CXADR: variants seen among roughly 807,000 people sequenced by gnomAD.
CXADR encodes the protein coxsackievirus and adenovirus receptor.
In CXADR, 20 loss-of-function variants were observed where a neutral mutation model predicts 40.3. That is an observed-to-expected ratio of 0.50 (90% CI 0.35 to 0.72). The LOEUF (loss-of-function observed/expected upper bound fraction) is 0.72. Among genes scored for constraint, CXADR ranks in the 30% least tolerant of loss-of-function variants. The pLI, the probability that CXADR is intolerant of heterozygous loss-of-function variation, is 0.01. For missense variants in CXADR, 332 were observed against 449.1 expected (o/e 0.74, Z 2.36); for synonymous variants, 150 against 161.3 (o/e 0.93, Z 0.53).
intron 7 of CXADR, among the ~76,000 whole-genome samples, chr21:17,578,939 T>G (rs1361448247): frequency 2.0e-5 from 3 of 152,216 alleles, no homozygotes; most frequent in African/African-American, 4.8e-5. Flanking sequence ...ATCTTCTCTT[T>G]GCCTCCCCAC....
At chr21:17,594,241 T>G, downstream of CXADR, 3 of 1,613,368 alleles carry the variant, frequency 1.9e-6, no homozygotes, top group Non-Finnish European at 2.5e-6. Context: ...AGGAGGATAG[T>G]GATTCTGATG....
chr21:17,564,837 C>A (rs1311442092), intron 6 of CXADR, among the ~76,000 whole-genome samples: 1 of 152,104 alleles, frequency 6.6e-6, no homozygotes, highest in Non-Finnish European at 1.5e-5. Context: ...TGGGTTCAAG[C>A]GATTCTCCTG....
the CXADR span, among the ~76,000 whole-genome samples, chr21:17,603,974 G>A: frequency 6.6e-6 from 1 of 152,144 alleles, no homozygotes; most frequent in African/African-American, 2.4e-5. Flanking sequence ...TTTCGTTTTT[G>A]AAAACCCTAC....
chr21:17,581,725 G>A (rs1370656368), intron 7 of CXADR, among the ~76,000 whole-genome samples: 3 of 151,960 alleles, frequency 2.0e-5, no homozygotes, highest in African/African-American at 7.2e-5. Flanking sequence ...TGTGCCTGTA[G>A]TCCCAGCTAC....
chr21:17,513,194 C>T (rs755085000), intron 1 of CXADR, 22 bp downstream of exon 1: 1 of 1,358,538 alleles, frequency 7.4e-7, no homozygotes, highest in Non-Finnish European at 9.5e-7. Context: ...CCATGGGGTC[C>T]TCAGCACCCG....
intron 1 of CXADR, among the ~76,000 whole-genome samples, chr21:17,513,411 C>T (rs2060417348): frequency 6.6e-6 from 1 of 151,454 alleles, no homozygotes; most frequent in African/African-American, 2.4e-5. Context: ...GAGCCCTCGG[C>T]GGGGGGTGGA....
At chr21:17,594,059 T>G (rs2061470579), downstream of CXADR, 1 of 1,600,646 alleles carries the variant, frequency 6.2e-7, no homozygotes, top group Non-Finnish European at 8.5e-7. Flanking sequence ...TCTACCTTTT[T>G]CTCAACATGA....
At chr21:17,614,604 G>A in the CXADR span, among the ~76,000 whole-genome samples, 2 of 152,082 alleles carry the variant, frequency 1.3e-5, no homozygotes, top group Non-Finnish European at 2.9e-5. Context: ...TTAGCCAGGT[G>A]TGGTTGCATG....
the CXADR span, among the ~76,000 whole-genome samples, chr21:17,624,355 G>T: frequency 6.6e-6 from 1 of 152,150 alleles, no homozygotes; most frequent in African/African-American, 2.4e-5. Flanking sequence ...AACTGTCTTG[G>T]CTGTTTCCTG....
At chr21:17,584,193 C>T (rs1015499738) in intron 7 of CXADR, among the ~76,000 whole-genome samples, 7 of 152,196 alleles carry the variant, frequency 4.6e-5, no homozygotes, top group Admixed American at 2.6e-4. Context: ...GGCTCAGCCA[C>T]TGAACAAATG....
the CXADR span, among the ~76,000 whole-genome samples, chr21:17,628,596 G>T: frequency 0.41 from 61,720 of 151,918 alleles, 12,681 homozygotes; most frequent in Middle Eastern, 0.46. Context: ...TGCCTCCCAG[G>T]TTCAAGCGAT....
chr21:17,586,414 T>A (rs1438567587), intron 7 of CXADR, among the ~76,000 whole-genome samples: 4 of 147,212 alleles, frequency 2.7e-5, no homozygotes, highest in Non-Finnish European at 4.5e-5. Flanking sequence ...TATATATATA[T>A]AATATATATT....
intron 1 of CXADR, chr21:17,542,019 T>C: frequency 2.7e-6 from 1 of 366,458 alleles, no homozygotes; most frequent in Non-Finnish European, 5.3e-6. Flanking sequence ...CCTGAAACAA[T>C]TATTACTCTG....
At chr21:17,554,914 C>T (rs1466143644) in intron 3 of CXADR, among the ~76,000 whole-genome samples, 3 of 152,094 alleles carry the variant, frequency 2.0e-5, no homozygotes, top group African/African-American at 7.2e-5. Flanking sequence ...GCAGTGCATT[C>T]ATTGAGCTTG....
At chr21:17,611,638 G>C in the CXADR span, 1 of 152,336 alleles carries the variant, frequency 6.6e-6, no homozygotes, top group South Asian at 2.1e-4. Flanking sequence ...TCTTGAGTAA[G>C]TAGGCGTCCT....
chr21:17,560,860 T>C (rs759587636), intron 5 of CXADR, 36 bp downstream of exon 5: 3 of 1,610,448 alleles, frequency 1.9e-6, no homozygotes, highest in Non-Finnish European at 2.5e-6. Flanking sequence ...GTTTTGTTTC[T>C]GTTATCTTTA....
intron 1 of CXADR, among the ~76,000 whole-genome samples, chr21:17,515,729 C>G (rs989156620): frequency 1.3e-5 from 2 of 152,084 alleles, no homozygotes; most frequent in African/African-American, 4.8e-5. Context: ...TGGCGTGAAC[C>G]CGGGAGGCGT....
chr21:17,535,182 C>T (rs2060738984), intron 1 of CXADR, among the ~76,000 whole-genome samples: 1 of 152,144 alleles, frequency 6.6e-6, no homozygotes, highest in South Asian at 2.1e-4. Flanking sequence ...GGCTGGAGGG[C>T]AGAGGCGCAG....
rs554746951 is a variant in CXADR, at chr21:17,552,169, A to G, written c.415+216A>G. Among the ~76,000 whole-genome samples the G allele has an allele frequency of 1.3e-3, 196 of 152,366 alleles. 1 individual carries two copies. Among genetic ancestry groups the G allele is most frequent in the African/African-American group, 4.5e-3 (188 of 41,596 alleles). ...AGTGATCAACTTCTTTGTGAAATTC[A>G]TAAGAGTTTGAAAATAAGTGAACGA... On this transcript the variant is annotated intron_variant, in intron 3 of 6. Transcript: ENST00000284878.
Sources: allele counts gnomAD v4.1 joint callset (sites outside exome capture counted in the v4.1 genomes callset), GRCh38; gene constraint gnomAD v4.1.1; transcripts MANE v1.5; gene names NCBI Gene and HGNC (gene_info 2026-07-23, HGNC 2026-07-21).